The following DMXL2 variants were observed in gnomAD, a reference collection of about 807,000 sequenced individuals.
DMXL2 encodes the protein dmX-like protein 2.
Under a neutral mutation model 331.1 loss-of-function variants are expected in DMXL2, and 103 were observed. That is an observed-to-expected ratio of 0.31 (90% CI 0.27 to 0.37). The LOEUF is 0.37. DMXL2 is among the 10% of genes least tolerant of loss of function. The pLI is 1.00. For missense variants in DMXL2, 3,171 were observed against 3,642.9 expected, an observed-to-expected ratio of 0.87 and a Z score of 3.33; for synonymous variants, 1,281 against 1,252.1, an observed-to-expected ratio of 1.02 and a Z score of -0.49.
At chr15:51,484,929 A>T (rs933311983) in intron 23 of DMXL2, among the ~76,000 whole-genome samples, 3 of 152,006 alleles carry the variant, frequency 2.0e-5, no homozygotes, top group African/African-American at 7.2e-5. Flanking sequence ...AAATTCAATG[A>T]ATGAAATAAA....
chr15:51,501,591 T>C (rs1446518342), intron 17 of DMXL2, among the ~76,000 whole-genome samples: 1 of 152,224 alleles, frequency 6.6e-6, no homozygotes, highest in Non-Finnish European at 1.5e-5. Context: ...ACTATCATTA[T>C]ATTCCAAAGT....
intron 1 of DMXL2, among the ~76,000 whole-genome samples, chr15:51,608,954 A>G (rs2053776686): frequency 6.6e-6 from 1 of 152,230 alleles, no homozygotes; most frequent in Non-Finnish European, 1.5e-5. Flanking sequence ...CTGTAAAATA[A>G]TAATGTCTTC....
intron 1 of DMXL2, among the ~76,000 whole-genome samples, chr15:51,591,390 C>G (rs570314963): frequency 5.1e-4 from 78 of 152,262 alleles, no homozygotes; most frequent in African/African-American, 1.7e-3. Context: ...GGGGGAGGGG[C>G]GCCCACCATT....
At chr15:51,617,361 C>T (rs1336608603) in intron 1 of DMXL2, among the ~76,000 whole-genome samples, 1 of 152,186 alleles carries the variant, frequency 6.6e-6, no homozygotes, top group Admixed American at 6.5e-5. Flanking sequence ...CAACTATCAT[C>T]TGCCAGGTGC....
chr15:51,605,968 A>G (rs143609251), intron 1 of DMXL2, among the ~76,000 whole-genome samples: 1 of 152,362 alleles, frequency 6.6e-6, no homozygotes, highest in African/African-American at 2.4e-5. Context: ...TGTGCTCAGC[A>G]CTGAATGCCA....
intron 28 of DMXL2, among the ~76,000 whole-genome samples, chr15:51,474,112 CT>C: frequency 6.7e-6 from 1 of 148,844 alleles, no homozygotes; most frequent in South Asian, 2.1e-4. Context: ...TTTTAATCTT[CT>C]TCAAACATGT....
chr15:51,591,059 T>A (rs2052277208), intron 1 of DMXL2, among the ~76,000 whole-genome samples: 3 of 152,160 alleles, frequency 2.0e-5, no homozygotes, highest in Non-Finnish European at 4.4e-5. Flanking sequence ...CGGGTTCATC[T>A]CACTGGGGAG....
intron 29 of DMXL2, among the ~76,000 whole-genome samples, chr15:51,467,335 C>G (rs537248642): frequency 6.6e-6 from 1 of 152,080 alleles, no homozygotes; most frequent in Non-Finnish European, 1.5e-5. Context: ...TTTAAAACTT[C>G]AAATGCATAA....
At chr15:51,613,595 C>T (rs2054113994) in intron 1 of DMXL2, among the ~76,000 whole-genome samples, 1 of 152,168 alleles carries the variant, frequency 6.6e-6, no homozygotes, top group South Asian at 2.1e-4. Flanking sequence ...TTCAGTTTTA[C>T]TTTCTATATT....
At chr15:51,468,420 G>GA (rs1566990845) in intron 29 of DMXL2, among the ~76,000 whole-genome samples, 3 of 151,938 alleles carry the variant, frequency 2.0e-5, no homozygotes, top group African/African-American at 7.3e-5. Context: ...GTCCCCATGA[G>GA]AAAAAAATAA....
chr15:51,616,416 G>A (rs1202366470), intron 1 of DMXL2, among the ~76,000 whole-genome samples: 8 of 152,098 alleles, frequency 5.3e-5, no homozygotes, highest in East Asian at 1.9e-4. Context: ...GCAGGCAACT[G>A]GTTTCATATT....
chr15:51,453,359 A>G lies in DMXL2; in HGVS notation c.8696+191T>C, dbSNP rs575460638. 7.3e-5 allele frequency: 33 copies of G among 452,668 alleles called. No individual in the cohort carries two copies. The East Asian group carries it at 1.2e-3, about 17-fold the overall frequency. The allele number at this position is 452,668 out of a possible 1,614,324, so 28.0% of individuals were successfully genotyped here. ...TAGCTTTAAAATAAAAATTACATAT[A>G]TTAGGAATAACTTTCATTTTTGCTT... On this transcript the variant is annotated intron_variant, in intron 41 of 43. Coordinates refer to ENST00000560891, the MANE Select transcript of DMXL2 (RefSeq NM_001378457.1).
At chr15:51,495,553 T>C (rs554183728) in intron 18 of DMXL2, among the ~76,000 whole-genome samples, 25 of 152,320 alleles carry the variant, frequency 1.6e-4, no homozygotes, top group African/African-American at 5.8e-4. Context: ...TTTAAGCAGG[T>C]AGTATTTTCT....
At chr15:51,613,573 G>A (rs907409135) in intron 1 of DMXL2, among the ~76,000 whole-genome samples, 1 of 152,128 alleles carries the variant, frequency 6.6e-6, no homozygotes, top group Non-Finnish European at 1.5e-5. Flanking sequence ...ATTCTTCTGG[G>A]AACTGGAAAC....
chr15:51,608,028 T>C (rs2053707416), intron 1 of DMXL2, among the ~76,000 whole-genome samples: 1 of 151,686 alleles, frequency 6.6e-6, no homozygotes. Flanking sequence ...CTCCTAAAAA[T>C]ACAAAAATTA....
At chr15:51,583,106 C>CTTTTT (rs57226377) in intron 1 of DMXL2, among the ~76,000 whole-genome samples, 3 of 87,172 alleles carry the variant, frequency 3.4e-5, no homozygotes, top group African/African-American at 8.1e-5. Flanking sequence ...CTTCATTCTT[C>CTTTTT]TTTTTTTTTT....
At chr15:51,523,168 G>C (rs2047472894) in intron 13 of DMXL2, among the ~76,000 whole-genome samples, 1 of 152,180 alleles carries the variant, frequency 6.6e-6, no homozygotes, top group Non-Finnish European at 1.5e-5. Context: ...CTCACAATTA[G>C]TAGAAGAAGT....
chr15:51,588,128 A>T (rs961320086), intron 1 of DMXL2, among the ~76,000 whole-genome samples: 4 of 146,144 alleles, frequency 2.7e-5, no homozygotes, highest in African/African-American at 1.0e-4. Context: ...TCGCCTGTTC[A>T]CTCTGATGGT....
intron 20 of DMXL2, among the ~76,000 whole-genome samples, chr15:51,490,983 T>TA (rs1190656318): frequency 6.6e-6 from 1 of 152,238 alleles, no homozygotes; most frequent in Non-Finnish European, 1.5e-5. Context: ...TTTCTAAAGT[T>TA]AGATTTTTCC....
Sources: allele counts gnomAD v4.1 joint callset (sites outside exome capture counted in the v4.1 genomes callset), GRCh38; gene constraint gnomAD v4.1.1; transcripts MANE v1.5; gene names NCBI Gene and HGNC (gene_info 2026-07-23, HGNC 2026-07-21).